WWP1: variants seen among roughly 807,000 people sequenced by gnomAD.
The protein encoded by WWP1 is NEDD4-like E3 ubiquitin-protein ligase WWP1.
In WWP1, 49 loss-of-function variants were observed where a neutral mutation model predicts 130.6. The ratio of observed to expected loss-of-function variants is 0.38; its 90% CI spans 0.30 to 0.48. The LOEUF (loss-of-function observed/expected upper bound fraction) is 0.48, where lower values mean the gene tolerates loss of function less well. Ranked by LOEUF, WWP1 falls within the 20% of genes least tolerant of loss-of-function variation. The pLI, the probability that WWP1 is intolerant of heterozygous loss-of-function variation, is 0.99. For synonymous variants in WWP1, 332 were observed against 367.8 expected (o/e 0.90, Z 1.11); for missense variants, 809 against 1,100.6 (o/e 0.74, Z 3.75).
intron 20 of WWP1, 138 bp from the exon 21 acceptor site, chr8:86,452,421 T>C: frequency 2.8e-6 from 2 of 707,896 alleles, no homozygotes; most frequent in Non-Finnish European, 4.5e-6. Context: ...TTCATACATA[T>C]ACACACACAT....
chr8:86,363,491 A>T (rs1823787100), intron 1 of WWP1, among the ~76,000 whole-genome samples: 2 of 151,974 alleles, frequency 1.3e-5, no homozygotes, highest in Non-Finnish European at 2.9e-5. Context: ...AACAAAGGCT[A>T]CTGAAAGAGG....
At chr8:86,361,608 T>C (rs1376778103) in intron 1 of WWP1, among the ~76,000 whole-genome samples, 2 of 152,164 alleles carry the variant, frequency 1.3e-5, no homozygotes, top group Admixed American at 1.3e-4. Flanking sequence ...TTAACCTGCT[T>C]ATGTTAGTCA....
chr8:86,446,169 A>T (rs1009707653), intron 18 of WWP1, among the ~76,000 whole-genome samples: 1 of 147,994 alleles, frequency 6.8e-6, no homozygotes, highest in African/African-American at 2.5e-5. Flanking sequence ...TTTAATAGAG[A>T]TGGGGTTTCA....
At chr8:86,435,587 A>G (rs775781665) in intron 15 of WWP1, 46 bp from the exon 16 acceptor site, 1 of 1,611,598 alleles carries the variant, frequency 6.2e-7, no homozygotes, top group African/African-American at 1.3e-5. Flanking sequence ...TATACAATAC[A>G]TATACTATAA....
intron 4 of WWP1, 90 bp from the exon 5 acceptor site, chr8:86,381,415 C>T (rs1563481900): frequency 1.3e-5 from 19 of 1,427,120 alleles, no homozygotes; most frequent in Middle Eastern, 2.5e-4. Flanking sequence ...TAAAACATTA[C>T]TGAAATAAAT....
At chr8:86,431,037 A>G (rs1809935427) in intron 12 of WWP1, among the ~76,000 whole-genome samples, 1 of 137,006 alleles carries the variant, frequency 7.3e-6, no homozygotes, top group Admixed American at 7.7e-5. Flanking sequence ...TGTATATTAT[A>G]TATGTATATA....
At chr8:86,381,226 T>C (rs891776672) in intron 4 of WWP1, among the ~76,000 whole-genome samples, 2 of 152,124 alleles carry the variant, frequency 1.3e-5, no homozygotes, top group Admixed American at 6.5e-5. Flanking sequence ...ATACAAACAG[T>C]GTTACTATGA....
intron 10 of WWP1, 74 bp downstream of exon 10, chr8:86,425,392 C>T (rs775741335): frequency 7.1e-6 from 8 of 1,120,366 alleles, no homozygotes; most frequent in East Asian, 5.0e-5. Context: ...TTTAGTACAG[C>T]GTAATTTGAT....
At chr8:86,380,634 A>G in intron 3 of WWP1, 92 bp from the exon 4 acceptor site, 4 of 1,355,428 alleles carry the variant, frequency 3.0e-6, no homozygotes, top group Non-Finnish European at 3.9e-6. Context: ...TTCTAGTTGC[A>G]CAAGAAGCAC....
At chr8:86,343,739 A>G (rs1048921336) in intron 1 of WWP1, among the ~76,000 whole-genome samples, 7 of 152,162 alleles carry the variant, frequency 4.6e-5, no homozygotes, top group Non-Finnish European at 1.0e-4. Flanking sequence ...CTCTTTCAGA[A>G]TAAAATATTT....
chr8:86,408,181 G>A (rs1808387197), intron 8 of WWP1, among the ~76,000 whole-genome samples: 1 of 152,110 alleles, frequency 6.6e-6, no homozygotes, highest in Admixed American at 6.5e-5. Flanking sequence ...CTTTCACTTA[G>A]CAAGGTGCAT....
chr8:86,430,791 A>G (rs531422895), intron 12 of WWP1, 40 bp downstream of exon 12: 3 of 505,014 alleles, frequency 5.9e-6, no homozygotes, highest in Non-Finnish European at 8.6e-6. Context: ...GGAGATATAT[A>G]TCTCTCCATA....
At chr8:86,437,189 T>C (rs111289119) in intron 16 of WWP1, among the ~76,000 whole-genome samples, 48 of 152,360 alleles carry the variant, frequency 3.2e-4, no homozygotes, top group African/African-American at 1.2e-3. Flanking sequence ...CAGTCTTGGC[T>C]CTGGTCCTGA....
chr8:86,398,901 T>C (rs1440429334), intron 7 of WWP1, among the ~76,000 whole-genome samples: 2 of 152,174 alleles, frequency 1.3e-5, no homozygotes, highest in African/African-American at 2.4e-5. Context: ...TGTGTTACCT[T>C]CTCTACTGTC....
rs546694861 is a variant in WWP1 at position 86,445,352 on chromosome 8, C to T, written c.1998+2574C>T. ...CCCTTGCCTTCCTCCCTCTCTCCCT[C>T]CCATCGTAGTCCCCAGGTGTCTATT... On this transcript the variant is annotated intron_variant, in intron 18 of 24. Transcript: ENST00000517970. Among the ~76,000 whole-genome samples the T allele has an allele frequency of 2.0e-5, 3 of 152,210 alleles. No homozygotes were observed. The South Asian group carries it at 6.2e-4, about 32-fold the overall frequency.
chr8:86,414,885 C>CG (rs1393932200), intron 9 of WWP1, among the ~76,000 whole-genome samples: 2 of 80,430 alleles, frequency 2.5e-5, no homozygotes, highest in Non-Finnish European at 5.0e-5. Context: ...TGAATCCCCC[C>CG]CCCATCCCCC....
intron 9 of WWP1, among the ~76,000 whole-genome samples, chr8:86,421,608 AG>A (rs1407347249): frequency 6.6e-6 from 1 of 152,072 alleles, no homozygotes; most frequent in East Asian, 1.9e-4. Context: ...AAGGATCACG[AG>A]GTCAGCAGTT....
rs141105600 is a variant in WWP1 at position 86,416,889 on chromosome 8, C to T, written c.1061+5015C>T. Among the ~76,000 whole-genome samples the T allele has an allele frequency of 4.2e-3, 646 of 152,218 alleles. 6 individuals carry two copies. The highest frequency in any genetic ancestry group is 0.015 in the African/African-American group (611 of 41,520). ...GTCACTGTGAGTCATGGAGACAAAG[C>T]CAGAGCAGCCCCCTTTACCCCTGTA... On this transcript the variant is annotated intron_variant, in intron 9 of 24. Coordinates refer to ENST00000517970, the MANE Select transcript of WWP1 (RefSeq NM_007013.4).
intron 18 of WWP1, among the ~76,000 whole-genome samples, chr8:86,444,139 C>T (rs1021653211): frequency 2.0e-5 from 3 of 152,122 alleles, no homozygotes; most frequent in African/African-American, 7.2e-5. Context: ...CTTGTGTCTT[C>T]TAGCAGTGGA....
Sources: allele counts gnomAD v4.1 joint callset (sites outside exome capture counted in the v4.1 genomes callset), GRCh38; gene constraint gnomAD v4.1.1; transcripts MANE v1.5; gene names NCBI Gene and HGNC (gene_info 2026-07-23, HGNC 2026-07-21).